Variants in AFAP1L2 observed in about 807,000 individuals in gnomAD.
The protein encoded by AFAP1L2 is actin filament associated protein 1 like 2.
Under a neutral mutation model 99.3 loss-of-function variants are expected in AFAP1L2, and 46 were observed. The observed-to-expected ratio is 0.46, with a 90% CI of 0.37 to 0.59. The LOEUF (loss-of-function observed/expected upper bound fraction) is 0.59. Among genes scored for constraint, AFAP1L2 ranks in the 20% least tolerant of loss-of-function variants. AFAP1L2 has a pLI of 0.00. For missense variants in AFAP1L2, 959 were observed against 1,034.9 expected, an observed-to-expected ratio of 0.93 and a Z score of 1.01; for synonymous variants, 397 against 419.1, an observed-to-expected ratio of 0.95 and a Z score of 0.64.
chr10:114,309,931 CT>C (rs1198828318), intron 8 of AFAP1L2, among the ~76,000 whole-genome samples: 3 of 152,106 alleles, frequency 2.0e-5, no homozygotes, highest in Admixed American at 1.3e-4. Flanking sequence ...TTCTTCTTCT[CT>C]TTTTTCTTTT....
At chr10:114,291,240 C>T (rs933049631), downstream of AFAP1L2, 4 of 1,550,180 alleles carry the variant, frequency 2.6e-6, no homozygotes, top group African/African-American at 1.4e-5. Context: ...GCCCCTGAGG[C>T]ACATGGCTCC....
intron 1 of AFAP1L2, among the ~76,000 whole-genome samples, chr10:114,392,222 C>T (rs2057240834): frequency 6.6e-6 from 1 of 151,824 alleles, no homozygotes; most frequent in Non-Finnish European, 1.5e-5. Flanking sequence ...CCCGCCTCTA[C>T]AAAAAAATGA....
chr10:114,348,964 A>G (rs900685194), intron 1 of AFAP1L2, among the ~76,000 whole-genome samples: 2 of 152,190 alleles, frequency 1.3e-5, no homozygotes, highest in Non-Finnish European at 2.9e-5. Flanking sequence ...GTGCTCCTAT[A>G]TGATCCTTCT....
intron 1 of AFAP1L2, among the ~76,000 whole-genome samples, chr10:114,385,187 C>T (rs552118561): frequency 3.2e-4 from 49 of 152,210 alleles, no homozygotes; most frequent in African/African-American, 1.1e-3. Flanking sequence ...CTGGCTGGAC[C>T]AGCAGGGACA....
At chr10:114,347,156 T>C (rs886322649) in intron 1 of AFAP1L2, among the ~76,000 whole-genome samples, 2 of 152,322 alleles carry the variant, frequency 1.3e-5, no homozygotes, top group Non-Finnish European at 2.9e-5. Context: ...CCACTGAATG[T>C]ATTATCCTCA....
intron 10 of AFAP1L2, among the ~76,000 whole-genome samples, chr10:114,305,477 ATGCAGGAGGGGACGGGGC>A (rs1564808331): frequency 3.2e-5 from 3 of 93,654 alleles, no homozygotes; most frequent in African/African-American, 9.7e-5. Flanking sequence ...GGGGACGCAG[ATGCAGGAGGGGACGGGGC>A]TGCAGGAGGA....
chr10:114,375,841 T>C (rs2054724236), intron 1 of AFAP1L2, among the ~76,000 whole-genome samples: 1 of 152,046 alleles, frequency 6.6e-6, no homozygotes, highest in South Asian at 2.1e-4. Context: ...CCAGGCATAG[T>C]CCCAGCTACA....
intron 4 of AFAP1L2, chr10:114,325,861 A>G (rs2046190918): frequency 7.8e-7 from 1 of 1,279,928 alleles, no homozygotes. Flanking sequence ...CCTAGGGTCC[A>G]CAGGGAAAGG....
the AFAP1L2 span, among the ~76,000 whole-genome samples, chr10:114,283,099 G>A: frequency 6.6e-6 from 1 of 152,210 alleles, no homozygotes; most frequent in Non-Finnish European, 1.5e-5. Flanking sequence ...TGGTTCACCA[G>A]TGTGCCCTCA....
Position 114,300,330 on chromosome 10 carries a change from G to A in AFAP1L2, c.1821C>T (p.Ser607=). 6.2e-7 allele frequency: 1 copy of A among 1,614,150 alleles called. No homozygotes were observed. The change falls in exon 15 of 19, where the codon TCC becomes TCT. Residue 607 remains serine, a synonymous_variant. Transcript: ENST00000304129. ...QLESLEPEDP[S]LRITTVKIQT... ...GGATTTTGACGGTGGTGATTCTCAG[G>A]GAAGGATCCTCTGGCTCCAAACTCT...
At chr10:114,379,286 C>A (rs910349753) in intron 1 of AFAP1L2, among the ~76,000 whole-genome samples, 1 of 151,904 alleles carries the variant, frequency 6.6e-6, no homozygotes, top group Non-Finnish European at 1.5e-5. Context: ...AGCCCCAGAC[C>A]TGTCAACCAT....
At chr10:114,353,146 A>T (rs2050796837) in intron 1 of AFAP1L2, among the ~76,000 whole-genome samples, 1 of 152,192 alleles carries the variant, frequency 6.6e-6, no homozygotes, top group Non-Finnish European at 1.5e-5. Flanking sequence ...AGCATCAGCC[A>T]TGGGACTCTT....
At chr10:114,310,738 G>A (rs1326985220) in intron 7 of AFAP1L2, among the ~76,000 whole-genome samples, 1 of 152,078 alleles carries the variant, frequency 6.6e-6, no homozygotes, top group African/African-American at 2.4e-5. Flanking sequence ...GATGACCAGA[G>A]CCACCAGCCC....
rs546819876 is a variant in AFAP1L2, at chr10:114,347,907, C to T, written c.17-7176G>A. ...AGATTCCCAATGTGTGCAACCATTA[C>T]CACTATCTAGTTCCAGAACTTTTTT... On this transcript the variant is annotated intron_variant, in intron 1 of 18. Transcript: ENST00000304129. 2.6e-5 allele frequency among the ~76,000 whole-genome samples: 4 copies of T among 152,302 alleles called. No individual in the cohort carries two copies. In the East Asian group the frequency reaches 7.7e-4, roughly 29 times the overall value.
intron 10 of AFAP1L2, among the ~76,000 whole-genome samples, chr10:114,305,572 G>T (rs1338550172): frequency 4.9e-4 from 73 of 148,572 alleles, no homozygotes; most frequent in Admixed American, 3.1e-3. Context: ...TGCAGGAGGG[G>T]GCGCAGATGC....
At chr10:114,368,667 C>T (rs868264451) in intron 1 of AFAP1L2, among the ~76,000 whole-genome samples, 3 of 151,952 alleles carry the variant, frequency 2.0e-5, no homozygotes, top group Admixed American at 6.6e-5. Flanking sequence ...CACCCTCCTC[C>T]GCCTCCCAAA....
At chr10:114,379,040 G>A (rs2055205830) in intron 1 of AFAP1L2, among the ~76,000 whole-genome samples, 1 of 141,904 alleles carries the variant, frequency 7.0e-6, no homozygotes, top group Non-Finnish European at 1.6e-5. Flanking sequence ...GTGAAACCCC[G>A]TCCCTACTAA....
At position 114,297,265 on chromosome 10, in the gene AFAP1L2, T is replaced by C. The variant is rs2040395192; in HGVS notation, c.2262A>G (p.Leu754=). ...LKKAEAGPVT[L]GTTVDTTHLE... is the part of the protein sequence containing the mutation. ...GGTGGGTGGTGTCCACGGTGGTGCCTAACGTCACAGGCCCTGCCTCAGCCT... is the reference window on the plus strand; with the variant it reads ...GGTGGGTGGTGTCCACGGTGGTGCCCAACGTCACAGGCCCTGCCTCAGCCT... Residue 754 remains leucine, a synonymous_variant, in exon 17 of 19, where the codon TTA becomes TTG. Coordinates refer to ENST00000304129, the MANE Select transcript of AFAP1L2 (RefSeq NM_001001936.3). The C allele has an allele frequency of 1.2e-6, 2 of 1,613,130 alleles. No individual in the cohort carries two copies. Among genetic ancestry groups the C allele is most frequent in the Admixed American group, 3.3e-5 (2 of 59,936 alleles).
At chr10:114,286,751 G>A in the AFAP1L2 span, among the ~76,000 whole-genome samples, 1 of 152,218 alleles carries the variant, frequency 6.6e-6, no homozygotes, top group African/African-American at 2.4e-5. Context: ...CAGTGTACAT[G>A]CTTAGTACAG....
Sources: gnomAD v4.1 joint callset for allele counts (sites outside exome capture counted in the v4.1 genomes callset) on GRCh38, gnomAD v4.1.1 for gene constraint, MANE v1.5 for transcripts, NCBI Gene and HGNC (gene_info 2026-07-23, HGNC 2026-07-21) for gene names.